The following CHLSN variants were observed in gnomAD, a reference collection of about 807,000 sequenced individuals.
CHLSN encodes the protein cholesin.
chr7:1,002,373 C>A, the CHLSN span, among the ~76,000 whole-genome samples: 2 of 104,546 alleles, frequency 1.9e-5, no homozygotes, highest in South Asian at 3.6e-4. Flanking sequence ...GAATGGAGTC[C>A]TGTGGGTGGG....
the CHLSN span, among the ~76,000 whole-genome samples, chr7:987,935 GGGGGGTCCCCTGTGTGTCCT>G: frequency 6.5e-5 from 9 of 139,116 alleles, no homozygotes; most frequent in South Asian, 2.3e-4. Context: ...GTGTGTCCTG[GGGGGGTCCCCTGTGTGTCCT>G]GGGGGTCCCC....
At chr7:1,059,507 G>A in the CHLSN span, among the ~76,000 whole-genome samples, 482 of 126,786 alleles carry the variant, frequency 3.8e-3, 4 homozygotes, top group African/African-American at 0.014. Context: ...GTCCGTAGTG[G>A]GGCGGGTCTG....
At chr7:1,016,206 C>CCAGCACACAG in the CHLSN span, among the ~76,000 whole-genome samples, 1 of 68,834 alleles carries the variant, frequency 1.5e-5, no homozygotes, top group Non-Finnish European at 2.6e-5. Flanking sequence ...GCAGCGCACG[C>CCAGCACACAG]CAGCACACAG....
chr7:1,047,797 A>AT, the CHLSN span, among the ~76,000 whole-genome samples: 1 of 152,320 alleles, frequency 6.6e-6, no homozygotes, highest in African/African-American at 2.4e-5. Flanking sequence ...TCCGGGGACA[A>AT]TAAGAAGCGC....
At chr7:1,021,356 C>G in the CHLSN span, 1 of 985,178 alleles carries the variant, frequency 1.0e-6, no homozygotes. Flanking sequence ...GCAGTAGGAC[C>G]TGACCTTGAC....
the CHLSN span, among the ~76,000 whole-genome samples, chr7:981,380 G>A: frequency 6.6e-6 from 1 of 152,068 alleles, no homozygotes; most frequent in African/African-American, 2.4e-5. Context: ...TTTGGAGGCG[G>A]CCACAGTAGG....
At chr7:1,058,211 C>T in the CHLSN span, 3 of 752,360 alleles carry the variant, frequency 4.0e-6, no homozygotes, top group Non-Finnish European at 7.3e-6. Context: ...CCTCGGCACA[C>T]AGGCTGCTGG....
At chr7:1,069,709 C>T in the CHLSN span, among the ~76,000 whole-genome samples, 1 of 82,116 alleles carries the variant, frequency 1.2e-5, no homozygotes, top group Middle Eastern at 4.0e-3. Flanking sequence ...CAACCTACAC[C>T]TCCCAGCCGC....
chr7:1,068,052 C>T, the CHLSN span, among the ~76,000 whole-genome samples: 16 of 152,288 alleles, frequency 1.1e-4, no homozygotes, highest in African/African-American at 3.1e-4. Flanking sequence ...GCCCCAGCAA[C>T]GGTCCTGCGC....
chr7:982,635 G>A, the CHLSN span, among the ~76,000 whole-genome samples: 1 of 152,248 alleles, frequency 6.6e-6, no homozygotes, highest in Non-Finnish European at 1.5e-5. Flanking sequence ...GCAGGTGGTG[G>A]CCTGTGAGGA....
the CHLSN span, among the ~76,000 whole-genome samples, chr7:1,040,854 C>A: frequency 1.3e-5 from 2 of 152,344 alleles, no homozygotes; most frequent in East Asian, 3.9e-4. Context: ...AACACATAAA[C>A]AACGAGAAGG....
At chr7:1,130,136 C>G in the CHLSN span, among the ~76,000 whole-genome samples, 1 of 152,170 alleles carries the variant, frequency 6.6e-6, no homozygotes, top group Admixed American at 6.5e-5. Flanking sequence ...AGGGTGGATG[C>G]GGCATTCAAG....
At chr7:1,048,478 G>A in the CHLSN span, among the ~76,000 whole-genome samples, 3 of 152,122 alleles carry the variant, frequency 2.0e-5, no homozygotes, top group Non-Finnish European at 2.9e-5. Context: ...CTCAGGTTGA[G>A]AGGGGTGGTC....
chr7:994,224 C>G, the CHLSN span, among the ~76,000 whole-genome samples: 1 of 152,202 alleles, frequency 6.6e-6, no homozygotes, highest in Non-Finnish European at 1.5e-5. Context: ...ATGGCACGAT[C>G]TCGGCTCACT....
At chr7:1,021,339 C>T in the CHLSN span, 4 of 981,214 alleles carry the variant, frequency 4.1e-6, no homozygotes, top group Non-Finnish European at 4.8e-6. Flanking sequence ...GAAGCCTTTT[C>T]ATCGTGGCAG....
chr7:1,116,357 T>C, the CHLSN span, among the ~76,000 whole-genome samples: 1 of 132,732 alleles, frequency 7.5e-6, no homozygotes, highest in Admixed American at 7.8e-5. Flanking sequence ...ATGACATCAC[T>C]ACAGCTCTAG....
the CHLSN span, among the ~76,000 whole-genome samples, chr7:980,744 G>A: frequency 6.9e-6 from 1 of 144,372 alleles, no homozygotes; most frequent in African/African-American, 2.6e-5. Flanking sequence ...CTGGAGTGCA[G>A]TGGTGCCATC....
the CHLSN span, among the ~76,000 whole-genome samples, chr7:1,065,502 C>T: frequency 6.6e-6 from 1 of 152,252 alleles, no homozygotes; most frequent in Non-Finnish European, 1.5e-5. Flanking sequence ...CCACCGGGGA[C>T]AGGCGCGGCA....
chr7:1,136,379 A>AAT, the CHLSN span, among the ~76,000 whole-genome samples: 46,457 of 99,764 alleles, frequency 0.47, 12,366 homozygotes, highest in African/African-American at 0.54. Context: ...AATATATATA[A>AAT]ATATATAAAC....
Sources: allele counts gnomAD v4.1 joint callset (sites outside exome capture counted in the v4.1 genomes callset), GRCh38; gene constraint gnomAD v4.1.1; transcripts MANE v1.5; gene names NCBI Gene and HGNC (gene_info 2026-07-23, HGNC 2026-07-21).